The following PARD3B variants were observed in gnomAD, a reference collection of about 807,000 sequenced individuals.
PARD3B encodes partitioning defective 3 homolog B.
In PARD3B, 103 loss-of-function variants were observed where a neutral mutation model predicts 130.2. The ratio of observed to expected loss-of-function variants is 0.79; its 90% confidence interval spans 0.67 to 0.93. The LOEUF (loss-of-function observed/expected upper bound fraction) is 0.93. Ranked by LOEUF, PARD3B falls within the 40% of genes least tolerant of loss-of-function variation. The pLI, the probability that PARD3B is intolerant of heterozygous loss-of-function variation, is 0.00. For missense variants in PARD3B, 1,609 were observed against 1,499.2 expected (o/e 1.07, Z -1.21); for synonymous variants, 583 against 553.2 (o/e 1.05, Z -0.76).
At chr2:204,598,014 A>C (rs2033367214) in intron 1 of PARD3B, among the ~76,000 whole-genome samples, 1 of 152,156 alleles carries the variant, frequency 6.6e-6, no homozygotes, top group Non-Finnish European at 1.5e-5. Flanking sequence ...AGCATTTTGG[A>C]AACATAGCTC....
intron 3 of PARD3B, among the ~76,000 whole-genome samples, chr2:204,989,463 T>C (rs1332220884): frequency 6.6e-6 from 1 of 152,156 alleles, no homozygotes; most frequent in Non-Finnish European, 1.5e-5. Context: ...GAGAGTTTTC[T>C]AAAACTGTGG....
chr2:205,020,073 C>T lies in PARD3B; in HGVS notation c.395-27508C>T, dbSNP rs530789502. ...TGGGGATATTCACTCTTACTCCCCACCTATATCCCAACCCTACAGTCCACG... is the reference window on the plus strand; with the variant it reads ...TGGGGATATTCACTCTTACTCCCCATCTATATCCCAACCCTACAGTCCACG... On this transcript the variant is annotated intron_variant, in intron 3 of 22. Coordinates refer to ENST00000406610, the MANE Select transcript of PARD3B (RefSeq NM_001302769.2). Among the ~76,000 whole-genome samples, 6 of 152,238 alleles carry T rather than the reference C, an allele frequency of 3.9e-5. No individual in the cohort carries two copies. In the South Asian group the frequency reaches 1.2e-3, roughly 32 times the overall value.
At position 204,548,311 on chromosome 2, in the gene PARD3B, G is replaced by A. The variant is rs565861849; in HGVS notation, c.120+2192G>A. Among the ~76,000 whole-genome samples the A allele has an allele frequency of 4.6e-5, 7 of 152,086 alleles. No individual in the cohort carries two copies. In the South Asian group the frequency reaches 1.2e-3, roughly 27 times the overall value. On this transcript the variant is annotated intron_variant, in intron 1 of 22. Coordinates refer to ENST00000406610, the MANE Select transcript of PARD3B (RefSeq NM_001302769.2). Reference sequence around the variant, plus strand: ...GTAAATCAGTGAATTTCTGCACTTCGTAATAATAATCACACTAACATGTAA... The same window carrying A: ...GTAAATCAGTGAATTTCTGCACTTCATAATAATAATCACACTAACATGTAA...
chr2:205,425,879 C>T (rs187134693), intron 19 of PARD3B, among the ~76,000 whole-genome samples: 214 of 152,136 alleles, frequency 1.4e-3, no homozygotes, highest in African/African-American at 4.9e-3. Flanking sequence ...AAGAATTCAC[C>T]GTGTTATTTG....
chr2:205,035,357 G>A lies in PARD3B; in HGVS notation c.395-12224G>A, dbSNP rs138805003. ...TGCTACAGGTTTGTGTCTTACTAGC[G>A]TGGGAATTTTAATTCTGTGCTGCAT... On this transcript the variant is annotated intron_variant, in intron 3 of 22. Coordinates refer to ENST00000406610, the MANE Select transcript of PARD3B (RefSeq NM_001302769.2). Among the ~76,000 whole-genome samples, 297 of 152,234 alleles carry A rather than the reference G, an allele frequency of 2.0e-3. 1 individual carries two copies. The highest frequency in any genetic ancestry group is 6.1e-3 in the African/African-American group (254 of 41,546).
At chr2:204,931,658 T>C (rs1233579533) in intron 2 of PARD3B, among the ~76,000 whole-genome samples, 1 of 152,036 alleles carries the variant, frequency 6.6e-6, no homozygotes, top group Non-Finnish European at 1.5e-5. Flanking sequence ...CTTTTGACAT[T>C]CTTTTAAGAT....
chr2:204,680,569 T>G (rs978081062), intron 1 of PARD3B, among the ~76,000 whole-genome samples: 2 of 152,096 alleles, frequency 1.3e-5, no homozygotes, highest in Admixed American at 6.5e-5. Context: ...TTCTTCACTG[T>G]GTCTTTGGAT....
chr2:204,603,911 A>G lies in PARD3B; in HGVS notation c.120+57792A>G, dbSNP rs1221405322. Among the ~76,000 whole-genome samples, 6 of 152,178 alleles carry G rather than the reference A, an allele frequency of 3.9e-5. No individual in the cohort carries two copies. The East Asian group carries it at 1.2e-3, about 29-fold the overall frequency. ...CCGCCTGGGCACAAACTGAAGTGAT[A>G]TTATCTGGTTCATCCAGCTTTCTCT... On this transcript the variant is annotated intron_variant, in intron 1 of 22. Coordinates refer to ENST00000406610, the MANE Select transcript of PARD3B (RefSeq NM_001302769.2).
chr2:205,113,600 G>A, intron 6 of PARD3B, 23 bp downstream of exon 6: 1 of 1,578,286 alleles, frequency 6.3e-7, no homozygotes, highest in Non-Finnish European at 8.7e-7. Flanking sequence ...TCTCATTCCA[G>A]AAGCTCATGC....
Position 205,575,346 on chromosome 2 carries a change from T to C in PARD3B, c.3260+21943T>C, listed in dbSNP as rs1349794925. 6.6e-6 allele frequency among the ~76,000 whole-genome samples: 1 copy of C among 151,914 alleles called. No homozygotes were observed. The highest frequency in any genetic ancestry group is 6.6e-5 in the Admixed American group (1 of 15,230). The stretch of plus-strand genomic sequence containing the variant: ...ACATTCCCAACTGCAGTGGTAAAAC[T>C]GTTACATCTGATGACCCTGCATTGA... On this transcript the variant is annotated intron_variant, in intron 22 of 22. Coordinates refer to ENST00000406610, the MANE Select transcript of PARD3B (RefSeq NM_001302769.2). The surrounding 1 kb of genome is among the most constrained non-coding windows in gnomAD (Gnocchi z 4.6).
rs1455740421 is a variant in PARD3B, at chr2:205,085,277, A to G, written c.505-19149A>G. 2.6e-5 allele frequency among the ~76,000 whole-genome samples: 4 copies of G among 151,900 alleles called. No homozygotes were observed. In the East Asian group the frequency reaches 7.7e-4, roughly 29 times the overall value. On this transcript the variant is annotated intron_variant, in intron 4 of 22. Transcript: ENST00000406610. ...GTAGTACAAGTTTTTTTAAGTTAGT[A>G]CCTACTAATGTATCTTGCTGCCTTT... is the stretch of plus-strand genomic sequence containing the variant.
intron 20 of PARD3B, among the ~76,000 whole-genome samples, chr2:205,480,046 G>T (rs2049172447): frequency 6.6e-6 from 1 of 151,978 alleles, no homozygotes; most frequent in South Asian, 2.1e-4. Context: ...GGGATTATAG[G>T]TGCCCTCCAC....
intron 16 of PARD3B, among the ~76,000 whole-genome samples, chr2:205,297,453 G>A (rs190714232): frequency 6.6e-6 from 1 of 152,248 alleles, no homozygotes; most frequent in East Asian, 1.9e-4. Context: ...TTTACAGGGA[G>A]GGTATTTTAT....
intron 2 of PARD3B, among the ~76,000 whole-genome samples, chr2:204,728,067 G>T (rs531535554): frequency 4.6e-5 from 7 of 152,148 alleles, no homozygotes; most frequent in African/African-American, 7.2e-5. Flanking sequence ...GGCACTTAGC[G>T]CGGGAGGATG....
chr2:205,459,787 C>A (rs977497910), intron 20 of PARD3B, among the ~76,000 whole-genome samples: 1 of 152,130 alleles, frequency 6.6e-6, no homozygotes, highest in African/African-American at 2.4e-5. Context: ...GGTTTGCTTC[C>A]TTCTCTCGTG....
At chr2:205,201,045 TCAATTATG>T (rs1159986723) in intron 15 of PARD3B, among the ~76,000 whole-genome samples, 1 of 152,132 alleles carries the variant, frequency 6.6e-6, no homozygotes, top group Non-Finnish European at 1.5e-5. Flanking sequence ...AGTTCCATAT[TCAATTATG>T]GGTACAATAT....
chr2:205,536,121 G>T (rs1297692954), intron 21 of PARD3B, among the ~76,000 whole-genome samples: 1 of 152,126 alleles, frequency 6.6e-6, no homozygotes, highest in African/African-American at 2.4e-5. Context: ...GAAATGGCAG[G>T]GAGTGGGGTC....
At chr2:204,596,944 G>GTC (rs1207065764) in intron 1 of PARD3B, among the ~76,000 whole-genome samples, 13 of 149,800 alleles carry the variant, frequency 8.7e-5, no homozygotes, top group African/African-American at 1.7e-4. Context: ...CTCTCTATCT[G>GTC]TCTCTCTCTC....
At chr2:204,884,193 C>T (rs1301664697) in intron 2 of PARD3B, among the ~76,000 whole-genome samples, 1 of 151,988 alleles carries the variant, frequency 6.6e-6, no homozygotes, top group East Asian at 1.9e-4. Context: ...GATATTGTCG[C>T]CAGTGAGAGA....
Sources: gnomAD v4.1 joint callset for allele counts (sites outside exome capture counted in the v4.1 genomes callset) on GRCh38, gnomAD v4.1.1 for gene constraint, Gnocchi (gnomAD v3.1) non-coding constraint, MANE v1.5 for transcripts, NCBI Gene and HGNC (gene_info 2026-07-23, HGNC 2026-07-21) for gene names.